KDM4C: variants seen among roughly 807,000 people sequenced by gnomAD.
The protein encoded by KDM4C is lysine-specific demethylase 4C.
A neutral mutation model predicts 129.3 loss-of-function variants in KDM4C; 81 were observed. The ratio of observed to expected loss-of-function variants is 0.63; its 90% CI spans 0.52 to 0.75. The LOEUF (loss-of-function observed/expected upper bound fraction) is 0.75. KDM4C is among the 30% of genes least tolerant of loss of function. The probability of loss-of-function intolerance (pLI) is 0.00; values close to 1 mark genes in which losing one functional copy is unlikely to be tolerated. For missense variants in KDM4C, 1,457 were observed against 1,304.0 expected (o/e 1.12, Z -1.81); for synonymous variants, 573 against 456.1 (o/e 1.26, Z -3.26).
At chr9:7,160,110 A>G (rs975385552) in intron 19 of KDM4C, among the ~76,000 whole-genome samples, 8 of 151,796 alleles carry the variant, frequency 5.3e-5, no homozygotes, top group Admixed American at 3.3e-4. Context: ...CCTTTCTTCC[A>G]CTTGATCGAG....
intron 1 of KDM4C, among the ~76,000 whole-genome samples, chr9:6,725,338 GTC>G (rs1490960349): frequency 6.6e-6 from 1 of 151,560 alleles, no homozygotes; most frequent in Non-Finnish European, 1.5e-5. Flanking sequence ...GTGTGTGTGT[GTC>G]TTTCTCTGTT....
chr9:7,076,851 C>T, intron 17 of KDM4C: 1 of 1,003,592 alleles, frequency 1.0e-6, no homozygotes, highest in Non-Finnish European at 1.2e-6. Context: ...AAAAGCTTTC[C>T]AAGGTGCATC....
chr9:6,793,608 C>T (rs543722726), intron 2 of KDM4C, among the ~76,000 whole-genome samples: 94 of 149,776 alleles, frequency 6.3e-4, no homozygotes, highest in African/African-American at 2.1e-3. Flanking sequence ...GGCGTGATCT[C>T]GGCTCACTGC....
chr9:6,925,582 C>T (rs923033465), intron 8 of KDM4C: 2 of 985,248 alleles, frequency 2.0e-6, no homozygotes, highest in Non-Finnish European at 1.2e-6. Flanking sequence ...TGGGAGCCAC[C>T]ATGCCTGGGC....
intron 8 of KDM4C, among the ~76,000 whole-genome samples, chr9:6,921,180 T>G (rs1821436819): frequency 6.6e-6 from 1 of 152,196 alleles, no homozygotes; most frequent in Admixed American, 6.5e-5. Flanking sequence ...TCTACACGAA[T>G]TACCTTATGA....
chr9:6,722,212 G>A (rs2990659), intron 1 of KDM4C, among the ~76,000 whole-genome samples: 83,744 of 151,930 alleles, frequency 0.55, 23,321 homozygotes, highest in African/African-American at 0.64. Flanking sequence ...GTTAAGGGCT[G>A]TGATAAGACT....
chr9:6,968,034 A>T (rs1429520925), intron 8 of KDM4C, among the ~76,000 whole-genome samples: 1 of 152,250 alleles, frequency 6.6e-6, no homozygotes, highest in Non-Finnish European at 1.5e-5. Context: ...TGTACCTGGT[A>T]CTTAGTATGC....
intron 4 of KDM4C, among the ~76,000 whole-genome samples, chr9:6,824,450 C>G (rs1407446650): frequency 6.6e-6 from 1 of 152,146 alleles, no homozygotes; most frequent in East Asian, 1.9e-4. Flanking sequence ...TGAGCTTCCC[C>G]AGTGTGCATT....
At chr9:7,028,281 C>T (rs1215619257) in intron 15 of KDM4C, among the ~76,000 whole-genome samples, 1 of 151,852 alleles carries the variant, frequency 6.6e-6, no homozygotes, top group Non-Finnish European at 1.5e-5. Context: ...ATTCAGGGCT[C>T]AAGGGCTGTT....
intron 17 of KDM4C, among the ~76,000 whole-genome samples, chr9:7,093,834 T>C (rs1352255561): frequency 6.6e-6 from 1 of 152,114 alleles, no homozygotes; most frequent in Non-Finnish European, 1.5e-5. Flanking sequence ...GATCTGAAGG[T>C]AGAGGGGAGG....
intron 15 of KDM4C, among the ~76,000 whole-genome samples, chr9:7,030,289 A>G (rs1826507850): frequency 6.6e-6 from 1 of 152,236 alleles, no homozygotes; most frequent in African/African-American, 2.4e-5. Flanking sequence ...TGTGACACTG[A>G]TAAATACTGA....
chr9:6,728,041 T>G (rs1022549659), intron 1 of KDM4C, among the ~76,000 whole-genome samples: 2 of 106,130 alleles, frequency 1.9e-5, no homozygotes, highest in African/African-American at 8.2e-5. Context: ...AATAAAAAGT[T>G]TGGCCAAAAC....
chr9:7,015,886 A>T lies in KDM4C; in HGVS notation c.2216A>T (p.Asp739Val), dbSNP rs752654954. The part of the protein sequence containing the change: ...CYGIPSHEIC[D>V]GWLCARCKRN... Reference sequence around the variant, plus strand: ...GGTATTCCTTCTCATGAGATCTGTGATGGATGGCTGTGTGCCCGGTGCAAA... The same window carrying T: ...GGTATTCCTTCTCATGAGATCTGTGTTGGATGGCTGTGTGCCCGGTGCAAA... Residue 739 changes from aspartate to valine, a missense_variant, in exon 15 of 22, where the codon GAT (aspartate) becomes GTT (valine). By Grantham distance (152) the Asp-to-Val change is radical (BLOSUM62 -3). Transcript: ENST00000381309. 6.2e-7 allele frequency: 1 copy of T among 1,613,032 alleles called. No homozygotes were observed. Among genetic ancestry groups the T allele is most frequent in the Non-Finnish European group, 8.5e-7 (1 of 1,179,258 alleles).
chr9:6,830,093 T>C (rs1385277650), intron 4 of KDM4C, among the ~76,000 whole-genome samples: 2 of 152,166 alleles, frequency 1.3e-5, no homozygotes, highest in South Asian at 4.1e-4. Flanking sequence ...GTTTTCCTTA[T>C]TACAGCAAAA....
chr9:6,745,673 C>G (rs1349174312), intron 1 of KDM4C, among the ~76,000 whole-genome samples: 2 of 151,786 alleles, frequency 1.3e-5, no homozygotes, highest in Non-Finnish European at 2.9e-5. Context: ...GAGTCTCACT[C>G]TGTTGCCCTG....
intron 1 of KDM4C, among the ~76,000 whole-genome samples, chr9:6,761,022 G>A (rs1033308924): frequency 7.1e-5 from 9 of 126,776 alleles, no homozygotes; most frequent in Middle Eastern, 4.5e-3. Flanking sequence ...TTTTTTTTGA[G>A]ACGGAATCTC....
At chr9:7,158,022 C>T (rs199629622) in intron 19 of KDM4C, among the ~76,000 whole-genome samples, 2 of 152,028 alleles carry the variant, frequency 1.3e-5, no homozygotes, top group African/African-American at 4.8e-5. Context: ...AATTATTGCC[C>T]CAATTTCAGA....
intron 4 of KDM4C, 118 bp downstream of exon 4, chr9:6,814,863 A>G (rs1831796491): frequency 1.9e-6 from 1 of 516,658 alleles, no homozygotes; most frequent in Non-Finnish European, 3.4e-6. Flanking sequence ...TAATTCCTCA[A>G]AGGACAACAG....
chr9:7,164,384 C>T (rs1321310463), intron 19 of KDM4C, among the ~76,000 whole-genome samples: 3 of 149,310 alleles, frequency 2.0e-5, no homozygotes, highest in Non-Finnish European at 4.4e-5. Context: ...GGATTAATCA[C>T]CTGGGGAGTT....
Sources: gnomAD v4.1 joint callset for allele counts (sites outside exome capture counted in the v4.1 genomes callset) on GRCh38, gnomAD v4.1.1 for gene constraint, MANE v1.5 for transcripts, NCBI Gene and HGNC (gene_info 2026-07-23, HGNC 2026-07-21) for gene names.